ABCG5: variants seen among roughly 807,000 people sequenced by gnomAD.
ABCG5 encodes ATP binding cassette subfamily G member 5.
Under a neutral mutation model 64.5 loss-of-function variants are expected in ABCG5, and 64 were observed. The observed-to-expected ratio is 0.99, with a 90% CI of 0.81 to 1.22. The LOEUF (loss-of-function observed/expected upper bound fraction) is 1.22, where lower values mean the gene tolerates loss of function less well. ABCG5 is among the 50% of genes most tolerant of loss of function. The pLI is 0.00. For synonymous variants in ABCG5, 385 were observed against 326.3 expected, an observed-to-expected ratio of 1.18 and a Z score of -1.94; for missense variants, 908 against 829.5, an observed-to-expected ratio of 1.09 and a Z score of -1.16.
rs922834474 is a variant in ABCG5, at chr2:43,812,595, G to A, written c.*521C>T. The A allele has an allele frequency of 1.2e-5, 2 of 169,160 alleles. No individual in the cohort carries two copies. Among genetic ancestry groups the A allele is most frequent in the Admixed American group, 5.6e-5 (1 of 17,838 alleles). 10.5% of individuals were successfully genotyped at this position (169,160 alleles called of 1,614,324 possible). Reference sequence around the variant, plus strand: ...TCTCTCGATGTGATCAGGTAACTCCGACCCCTCGTGTGGACATCTGCATTT... The same window carrying A: ...TCTCTCGATGTGATCAGGTAACTCCAACCCCTCGTGTGGACATCTGCATTT... On this transcript the variant is annotated 3_prime_UTR_variant, in exon 13 of 13. Coordinates refer to ENST00000405322, the MANE Select transcript of ABCG5 (RefSeq NM_022436.3).
At chr2:43,830,912 C>T (rs924854520) in intron 4 of ABCG5, among the ~76,000 whole-genome samples, 1 of 152,176 alleles carries the variant, frequency 6.6e-6, no homozygotes, top group African/African-American at 2.4e-5. Flanking sequence ...TTAACTCAGT[C>T]CAGTTTGGAT....
chr2:43,828,533 G>A (rs909146121), intron 4 of ABCG5: 6 of 370,010 alleles, frequency 1.6e-5, no homozygotes, highest in East Asian at 1.5e-4. Flanking sequence ...ATGCTGGCAC[G>A]TGCCTGTAGT....
rs749191249 is a variant in ABCG5, at chr2:43,824,398, T to C, written c.939A>G (p.Glu313=). 22 of 1,614,038 alleles carry C rather than the reference T, an allele frequency of 1.4e-5. No homozygotes were observed. In the South Asian group the frequency reaches 2.3e-4, roughly 17 times the overall value. ...CTCTCTTGGAGGTTTCTATTTCCCG[T>C]TCCTTGCTTTGGGTATCCACTGACG... ...DLTSVDTQSK[E]REIETSKRVQ... is the part of the protein sequence containing the mutation. The change falls in exon 8 of 13, where the codon GAA becomes GAG. Residue 313 remains glutamate, a synonymous_variant. Coordinates refer to ENST00000405322, the MANE Select transcript of ABCG5 (RefSeq NM_022436.3).
Position 43,814,438 on chromosome 2 carries a change from G to A in ABCG5, c.1762+39C>T, listed in dbSNP as rs775887481. The A allele has an allele frequency of 3.7e-6, 5 of 1,352,644 alleles. No individual in the cohort carries two copies. The Admixed American group carries it at 8.4e-5, about 23-fold the overall frequency. 83.8% of individuals were successfully genotyped at this position (1,352,644 alleles called of 1,614,324 possible). A position where few individuals can be genotyped will look rare whatever the true frequency, so the allele number is the denominator to read the frequency against. ...TCCTCCAAGAAATTGCTTCCTCAGAGTAACATGCAAAAATAATATCCCCAA... is the reference window on the plus strand; with the variant it reads ...TCCTCCAAGAAATTGCTTCCTCAGAATAACATGCAAAAATAATATCCCCAA... On this transcript the variant is annotated intron_variant, in intron 12 of 12. Coordinates refer to ENST00000405322, the MANE Select transcript of ABCG5 (RefSeq NM_022436.3).
rs1280840160 is a variant in ABCG5 at position 43,831,964 on chromosome 2, A to C, written c.385T>G (p.Phe129Val). ...ALRREQFQDC[F>V]SYVLQSDTLL... ...GCGCCCACCTGCAGGACGTAGGAGA[A>C]GCAGTCCTGGAACTGCTCCCGGCGC... Residue 129 changes from phenylalanine to valine, a missense_variant, in exon 3 of 13, where the codon TTC becomes GTC. Phe to Val is a conservative substitution (Grantham distance 50). Transcript: ENST00000405322. 1 of 1,550,658 alleles carries C rather than the reference A, an allele frequency of 6.4e-7. No homozygotes were observed. Among genetic ancestry groups the C allele is most frequent in the African/African-American group, 1.4e-5 (1 of 73,138 alleles).
chr2:43,826,368 G>A lies in ABCG5; in HGVS notation c.774+14C>T, dbSNP rs761722358. The A allele has an allele frequency of 3.7e-6, 6 of 1,613,812 alleles. No homozygotes were observed. In the South Asian group the frequency reaches 4.4e-5, roughly 12 times the overall value. On this transcript the variant is annotated intron_variant, in intron 6 of 12. Coordinates refer to ENST00000405322, the MANE Select transcript of ABCG5 (RefSeq NM_022436.3). The stretch of plus-strand genomic sequence containing the variant: ...CACACCATAGACCCGGCCTTTACGA[G>A]TTGAACCTCTTACCTGAAAAAGCTC...
rs1293826250 is a variant in ABCG5, at chr2:43,828,124, GAC to G, written c.502-11_502-10del. ...GCCATGACGGCCTCCACCTGCAGGA[GAC>G]ACAAATTACAGGAAGGCTGGGAGTC... On this transcript the variant is annotated splice_polypyrimidine_tract_variant and intron_variant, in intron 4 of 12. Transcript: ENST00000405322. 3 of 1,613,772 alleles carry G rather than the reference GAC, an allele frequency of 1.9e-6. No individual in the cohort carries two copies. The Admixed American group carries it at 5.0e-5, about 27-fold the overall frequency.
In ABCG5 at chr2:43,828,044, C is replaced by T; in HGVS notation, c.573G>A (p.Gly191=). 6.2e-7 allele frequency: 1 copy of T among 1,614,000 alleles called. No individual in the cohort carries two copies. Among genetic ancestry groups the T allele is most frequent in the Non-Finnish European group, 8.5e-7 (1 of 1,180,040 alleles). ...ADRLIGNYSL[G]GISTGERRRV... is the part of the protein sequence containing the mutation. The stretch of plus-strand genomic sequence containing the variant: ...GGCGCCGCTCACCCGTGGAAATGCC[C>T]CCCAAGCTGTAGTTGCCAATCAGTC... Residue 191 remains glycine, a synonymous_variant, in exon 5 of 13, where the codon GGG becomes GGA. Transcript: ENST00000405322.
downstream of ABCG5, among the ~76,000 whole-genome samples, chr2:43,808,964 T>TAC (rs56090427): frequency 0.059 from 8,525 of 145,474 alleles, 255 homozygotes; most frequent in East Asian, 0.083. Flanking sequence ...GGACAAAGGA[T>TAC]ACACACACAC....
chr2:43,832,021 G>C lies in ABCG5; in HGVS notation c.328C>G (p.Leu110Val). The C allele has an allele frequency of 6.4e-7, 1 of 1,571,646 alleles. No individual in the cohort carries two copies. Among genetic ancestry groups the C allele is most frequent in the Non-Finnish European group, 8.6e-7 (1 of 1,158,660 alleles). ...CGGCCGTTCACATACACCTCCCCCAGGAAGGTCCCCGCGCGCCCCAGCCTC... is the reference window on the plus strand; with the variant it reads ...CGGCCGTTCACATACACCTCCCCCACGAAGGTCCCCGCGCGCCCCAGCCTC... ...SGRLGRAGTF[L>V]GEVYVNGRAL... The change falls in exon 3 of 13, where the codon CTG (leucine) becomes GTG (valine). Residue 110 changes from leucine to valine, a missense_variant. Leu to Val is a conservative substitution (Grantham distance 32, BLOSUM62 1). Transcript: ENST00000405322.
intron 2 of ABCG5, among the ~76,000 whole-genome samples, chr2:43,833,148 T>C (rs1274139516): frequency 6.6e-6 from 1 of 152,178 alleles, no homozygotes; most frequent in East Asian, 1.9e-4. Flanking sequence ...GACAAGAACC[T>C]GATGGCCCCT....
upstream of ABCG5, chr2:43,838,951 C>G: frequency 1.5e-6 from 2 of 1,340,588 alleles, no homozygotes; most frequent in Non-Finnish European, 1.0e-6. This position sits in a 1 kb window ranked among gnomAD's most constrained non-coding sequence, Gnocchi z 4.2. Context: ...GGCAGGAGGC[C>G]GAGGTGTCCC....
chr2:43,823,801 T>C, intron 9 of ABCG5, 112 bp downstream of exon 9: 2 of 1,261,736 alleles, frequency 1.6e-6, no homozygotes, highest in Non-Finnish European at 2.2e-6. Flanking sequence ...TGGAGAGGGC[T>C]GGGTTTAGCT....
chr2:43,808,835 T>TG (rs1666370649), downstream of ABCG5, among the ~76,000 whole-genome samples: 1 of 152,204 alleles, frequency 6.6e-6, no homozygotes, highest in Non-Finnish European at 1.5e-5. Flanking sequence ...CAGTCCTTAC[T>TG]GGGGGACATC....
At chr2:43,827,279 C>T (rs10198297) in intron 5 of ABCG5, among the ~76,000 whole-genome samples, 1,629 of 150,678 alleles carry the variant, frequency 0.011, 31 homozygotes, top group African/African-American at 0.037. Flanking sequence ...GAGCCAAGAT[C>T]GCACCACTGC....
At chr2:43,838,971 A>G, upstream of ABCG5, 2 of 1,443,702 alleles carry the variant, frequency 1.4e-6, no homozygotes, top group Non-Finnish European at 1.9e-6. The surrounding 1 kb of genome is among the most constrained non-coding windows in gnomAD (Gnocchi z 4.2). Context: ...CTGCTCCAGG[A>G]AACAGAGTGA....
At chr2:43,815,857 G>T (rs1422196968) in intron 11 of ABCG5, among the ~76,000 whole-genome samples, 1 of 149,828 alleles carries the variant, frequency 6.7e-6, no homozygotes, top group Non-Finnish European at 1.5e-5. Flanking sequence ...GAAAATTAAC[G>T]TGACTCCAGC....
At position 43,824,943 on chromosome 2, in the gene ABCG5, A is replaced by AGAAATCAAGCATTTCCGCT. The variant is rs775753291; in HGVS notation, c.831_849dup (p.Phe284SerfsTer5). 7 of 1,614,128 alleles carry AGAAATCAAGCATTTCCGCT rather than the reference A, an allele frequency of 4.3e-6. No individual in the cohort carries two copies. The East Asian group carries it at 1.3e-4, about 31-fold the overall frequency. On this transcript the variant is annotated stop_gained and frameshift_variant, in exon 7 of 13. Coordinates refer to ENST00000405322, the MANE Select transcript of ABCG5 (RefSeq NM_022436.3). LOFTEE classifies it high-confidence loss of function. ...GGACAAGGGTAACCGCAGTCATTGA[A>AGAAATCAAGCATTTCCGCT]GAAATCAAGCATTTCCGCTGGCGTG...
downstream of ABCG5, among the ~76,000 whole-genome samples, chr2:43,808,594 G>C (rs903727382): frequency 1.8e-4 from 27 of 152,270 alleles, no homozygotes; most frequent in Admixed American, 9.2e-4. Context: ...CCTTGTGCAG[G>C]ATAGCCACCT....
Sources: allele counts gnomAD v4.1 joint callset (sites outside exome capture counted in the v4.1 genomes callset), GRCh38; gene constraint gnomAD v4.1.1; non-coding constraint Gnocchi (gnomAD v3.1); transcripts MANE v1.5; gene names NCBI Gene and HGNC (gene_info 2026-07-23, HGNC 2026-07-21).